NFASC: variants seen among roughly 807,000 people sequenced by gnomAD.
NFASC encodes the protein neurofascin homolog.
Under a neutral mutation model 147.5 loss-of-function variants are expected in NFASC, and 43 were observed. The ratio of observed to expected loss-of-function variants is 0.29; its 90% CI spans 0.23 to 0.38. The LOEUF is 0.38. NFASC is among the 10% of genes least tolerant of loss of function. NFASC has a pLI of 1.00. For missense variants in NFASC, 1,320 were observed against 1,689.0 expected (o/e 0.78, Z 3.83); for synonymous variants, 622 against 665.5 (o/e 0.93, Z 1.01).
intron 1 of NFASC, among the ~76,000 whole-genome samples, chr1:204,843,921 A>G (rs1376305556): frequency 6.6e-6 from 1 of 152,074 alleles, no homozygotes; most frequent in African/African-American, 2.4e-5. Context: ...GGTTTTTAGT[A>G]CAGACGGGGT....
intron 1 of NFASC, among the ~76,000 whole-genome samples, chr1:204,919,831 C>G (rs1042436685): frequency 7.9e-5 from 12 of 152,144 alleles, no homozygotes; most frequent in African/African-American, 2.9e-4. Context: ...GTTGGCCATG[C>G]TGATCTCAAA....
chr1:204,989,089 A>T (rs1265791162), intron 23 of NFASC: 1 of 482,918 alleles, frequency 2.1e-6, no homozygotes. Flanking sequence ...TTGTAGAGGA[A>T]TAAGGAAGAG....
Position 204,986,540 on chromosome 1 carries a change from G to A in NFASC, c.2471-878G>A, listed in dbSNP as rs1311501021. The A allele has an allele frequency of 2.2e-5, 5 of 226,892 alleles. No individual in the cohort carries two copies. The East Asian group carries it at 3.9e-4, about 18-fold the overall frequency. The allele number at this position is 226,892 out of a possible 1,614,324, so 14.1% of individuals were successfully genotyped here. The stretch of plus-strand genomic sequence containing the variant: ...TCAAGAAGCCGTCACTGAAATAGTC[G>A]GCCTGTGTGTGCGGTGGCTCTGCAG... On this transcript the variant is annotated intron_variant, in intron 21 of 29. Transcript: ENST00000339876. This position sits in a 1 kb window ranked among gnomAD's most constrained non-coding sequence, Gnocchi z 4.2.
At chr1:204,877,582 AAC>A (rs2079286161) in intron 1 of NFASC, among the ~76,000 whole-genome samples, 1 of 152,044 alleles carries the variant, frequency 6.6e-6, no homozygotes. Context: ...CATGGCCTGG[AAC>A]TCAATTTTTA....
intron 25 of NFASC, chr1:204,999,948 C>T (rs1471341821): frequency 6.6e-6 from 1 of 152,214 alleles, no homozygotes; most frequent in Non-Finnish European, 1.5e-5. Flanking sequence ...AAGTACTCCA[C>T]TATTAAATCT....
chr1:205,009,348 C>A, intron 27 of NFASC: 1 of 714,768 alleles, frequency 1.4e-6, no homozygotes, highest in East Asian at 2.6e-5. Context: ...CTTTCCTTTG[C>A]CTCTTTTCTG....
At position 204,974,764 on chromosome 1, in the gene NFASC, C is replaced by A. The variant is rs1281353967; in HGVS notation, c.1499C>A (p.Thr500Asn). The A allele has an allele frequency of 6.2e-7, 1 of 1,614,252 alleles. No homozygotes were observed. The change falls in exon 14 of 30, where the codon ACC becomes AAC. Residue 500 changes from threonine (T) to asparagine (N), a missense_variant. Physicochemically the swap from Thr to Asn is moderately conservative, Grantham distance 65. Coordinates refer to ENST00000339876, the MANE Select transcript of NFASC (RefSeq NM_001005388.3). Reference protein sequence around the residue: ...MIRKEDQGIYTCVATNILGKA... With the variant: ...MIRKEDQGIYNCVATNILGKA... Reference sequence around the variant, plus strand: ...CGCAAAGAGGACCAGGGCATCTACACCTGTGTCGCCACCAACATCCTGGGC... The same window carrying A: ...CGCAAAGAGGACCAGGGCATCTACAACTGTGTCGCCACCAACATCCTGGGC...
chr1:205,014,701 T>G (rs1250174145), intron 29 of NFASC, among the ~76,000 whole-genome samples: 1 of 152,086 alleles, frequency 6.6e-6, no homozygotes, highest in Non-Finnish European at 1.5e-5. Context: ...ATGCTACAGA[T>G]CTCTTCCCCC....
chr1:205,011,962 C>G (rs2096262013), intron 28 of NFASC, among the ~76,000 whole-genome samples: 1 of 152,128 alleles, frequency 6.6e-6, no homozygotes, highest in South Asian at 2.1e-4. Context: ...GCCTATAATC[C>G]CAGCTATTTG....
Position 205,015,006 on chromosome 1 carries a change from ACAGTTAGGCTGT to A in NFASC, c.3492-1301_3492-1290del, listed in dbSNP as rs2096323961. Reference sequence around the variant, plus strand: ...CCCAACCCACGGCTGTCCCACGAATACAGTTAGGCTGTATTCGTGGGGCAGCACTGTGGGGAG... The same window carrying A: ...CCCAACCCACGGCTGTCCCACGAATAATTCGTGGGGCAGCACTGTGGGGAG... On this transcript the variant is annotated intron_variant, in intron 29 of 29. Coordinates refer to ENST00000339876, the MANE Select transcript of NFASC (RefSeq NM_001005388.3). The surrounding 1 kb of genome is among the most constrained non-coding windows in gnomAD (Gnocchi z 4.0). Among the ~76,000 whole-genome samples, 1 of 151,958 alleles carries A rather than the reference ACAGTTAGGCTGT, an allele frequency of 6.6e-6. No homozygotes were observed. Among genetic ancestry groups the A allele is most frequent in the Non-Finnish European group, 1.5e-5 (1 of 67,992 alleles).
At chr1:204,861,914 T>C (rs1341453798) in intron 1 of NFASC, among the ~76,000 whole-genome samples, 2 of 152,234 alleles carry the variant, frequency 1.3e-5, no homozygotes, top group Non-Finnish European at 2.9e-5. Context: ...TCTTAGCCTC[T>C]GGTCAAGACG....
At chr1:204,870,805 G>A in intron 1 of NFASC, 1 of 1,179,696 alleles carries the variant, frequency 8.5e-7, no homozygotes, top group Non-Finnish European at 1.1e-6. Context: ...ATGCCACGGA[G>A]GGCTGGGGAG....
chr1:204,855,151 C>T (rs900517961), intron 1 of NFASC, among the ~76,000 whole-genome samples: 2 of 152,228 alleles, frequency 1.3e-5, no homozygotes, highest in African/African-American at 2.4e-5. Context: ...CAGTGCTCTT[C>T]GCACTATCAG....
Position 204,935,153 on chromosome 1 carries a change from C to T in NFASC, c.-90-9073C>T, listed in dbSNP as rs142673636. 1.6e-3 allele frequency among the ~76,000 whole-genome samples: 245 copies of T among 152,208 alleles called. 3 individuals are homozygous for T. The highest frequency in any genetic ancestry group is 7.6e-4 in the Non-Finnish European group (52 of 68,012). Reference sequence around the variant, plus strand: ...GGTGCCAGGAAAGTAAGGGAGACTTCCCAGAGGAGGTAGCACCTGACCTGA... The same window carrying T: ...GGTGCCAGGAAAGTAAGGGAGACTTTCCAGAGGAGGTAGCACCTGACCTGA... On this transcript the variant is annotated intron_variant, in intron 2 of 29. Transcript: ENST00000339876.
intron 3 of NFASC, chr1:204,947,005 T>G: frequency 2.8e-6 from 1 of 353,572 alleles, no homozygotes; most frequent in African/African-American, 2.1e-5. Context: ...CTCATAAGGT[T>G]GACTGGAAGT....
intron 25 of NFASC, chr1:204,998,269 G>T (rs1163490764): frequency 6.6e-6 from 1 of 152,194 alleles, no homozygotes; most frequent in African/African-American, 2.4e-5. Flanking sequence ...CAAGGGGAAG[G>T]TCTGTAGCTT....
At chr1:204,901,860 G>A (rs2997505) in intron 1 of NFASC, among the ~76,000 whole-genome samples, 36,077 of 151,948 alleles carry the variant, frequency 0.24, 4,648 homozygotes, top group Non-Finnish European at 0.29. Context: ...GCTCACCCGC[G>A]GTAATGGAGA....
intron 21 of NFASC, among the ~76,000 whole-genome samples, chr1:204,982,443 C>T (rs938519363): frequency 3.3e-5 from 5 of 152,208 alleles, no homozygotes; most frequent in African/African-American, 1.2e-4. Context: ...TTAGACACTT[C>T]TGTAGGAAGC....
At chr1:204,847,808 A>G (rs2075310988) in intron 1 of NFASC, among the ~76,000 whole-genome samples, 1 of 151,970 alleles carries the variant, frequency 6.6e-6, no homozygotes, top group Non-Finnish European at 1.5e-5. Flanking sequence ...TTCTTTTCCC[A>G]TGAGCGGTGG....
Sources: allele counts gnomAD v4.1 joint callset (sites outside exome capture counted in the v4.1 genomes callset), GRCh38; gene constraint gnomAD v4.1.1; non-coding constraint Gnocchi (gnomAD v3.1); transcripts MANE v1.5; gene names NCBI Gene and HGNC (gene_info 2026-07-23, HGNC 2026-07-21).